CREB5: variants seen among roughly 807,000 people sequenced by gnomAD.
The protein encoded by CREB5 is cAMP responsive element binding protein 5.
Under a neutral mutation model 57.1 loss-of-function variants are expected in CREB5, and 19 were observed. The observed-to-expected ratio is 0.33, with a 90% CI of 0.23 to 0.49. The LOEUF is 0.49. Among genes scored for constraint, CREB5 ranks in the 20% least tolerant of loss-of-function variants. The probability of loss-of-function intolerance (pLI) is 0.99; values close to 1 mark genes in which losing one functional copy is unlikely to be tolerated. For missense variants in CREB5, 579 were observed against 671.6 expected (o/e 0.86, Z 1.52); for synonymous variants, 238 against 238.3 (o/e 1.00, Z 0.01).
intron 1 of CREB5, among the ~76,000 whole-genome samples, chr7:28,357,027 G>T (rs1294281316): frequency 6.6e-6 from 1 of 152,144 alleles, no homozygotes; most frequent in South Asian, 2.1e-4. Context: ...AGACAAAAAT[G>T]CCAAGGGCCC....
intron 1 of CREB5, among the ~76,000 whole-genome samples, chr7:28,374,424 C>T (rs1786781144): frequency 6.6e-6 from 1 of 152,146 alleles, no homozygotes; most frequent in African/African-American, 2.4e-5. Context: ...TAGCCCCAAA[C>T]TGAAAACAAA....
intron 7 of CREB5, among the ~76,000 whole-genome samples, chr7:28,739,648 A>G (rs1206215023): frequency 6.6e-6 from 1 of 152,204 alleles, no homozygotes; most frequent in African/African-American, 2.4e-5. Context: ...ATTCGAGTTT[A>G]GAGGACAGAC....
chr7:28,489,399 AT>A (rs2128594859), intron 2 of CREB5, among the ~76,000 whole-genome samples: 1 of 141,292 alleles, frequency 7.1e-6, no homozygotes, highest in East Asian at 2.1e-4. Flanking sequence ...TCCCGGGTTC[AT>A]GCCATTCTCC....
chr7:28,557,196 TGTG>T (rs1794913797), intron 4 of CREB5, among the ~76,000 whole-genome samples: 2 of 128,476 alleles, frequency 1.6e-5, no homozygotes, highest in African/African-American at 2.8e-5. Context: ...TAATTGAAAT[TGTG>T]CTTTTATATG....
chr7:28,572,410 G>C lies in CREB5; in HGVS notation c.464+1873G>C, dbSNP rs770365125. On this transcript the variant is annotated intron_variant, in intron 5 of 10. Transcript: ENST00000357727. Reference sequence around the variant, plus strand: ...GAACCCATAGAGTGCTAAGAGGGTGGAGTAGATTCATTAAAGACAGCATCT... The same window carrying C: ...GAACCCATAGAGTGCTAAGAGGGTGCAGTAGATTCATTAAAGACAGCATCT... 5.6e-4 allele frequency among the ~76,000 whole-genome samples: 86 copies of C among 152,218 alleles called. 1 individual carries two copies. The highest frequency in any genetic ancestry group is 2.2e-3 in the Admixed American group (34 of 15,282).
At chr7:28,601,324 G>A (rs1308438248) in intron 5 of CREB5, among the ~76,000 whole-genome samples, 1 of 152,072 alleles carries the variant, frequency 6.6e-6, no homozygotes, top group Non-Finnish European at 1.5e-5. Flanking sequence ...GACAAAGAAG[G>A]GAGGAATAAG....
intron 5 of CREB5, among the ~76,000 whole-genome samples, chr7:28,614,713 TC>T (rs2128680194): frequency 6.6e-6 from 1 of 152,304 alleles, no homozygotes; most frequent in South Asian, 2.1e-4. Flanking sequence ...TTAATTTTTT[TC>T]TTATGGAAAA....
intron 9 of CREB5, 42 bp downstream of exon 9, chr7:28,809,456 T>A: frequency 1.3e-6 from 2 of 1,531,776 alleles, no homozygotes; most frequent in African/African-American, 1.4e-5. Context: ...AAAGGCCCTC[T>A]GCTCCACGGG....
In CREB5 at chr7:28,784,106, A is replaced by T. The variant is rs564544369; in HGVS notation, c.703-20093A>T. ...CAGATGACTTTGTCCTGTTTGGAGC[A>T]TCTTTCTACTCTAGTATTTCATTGC... On this transcript the variant is annotated intron_variant, in intron 7 of 10. Transcript: ENST00000357727. Among the ~76,000 whole-genome samples, 4 of 152,334 alleles carry T rather than the reference A, an allele frequency of 2.6e-5. No homozygotes were observed. The South Asian group carries it at 8.3e-4, about 32-fold the overall frequency.
chr7:28,524,237 G>A (rs373035468), intron 4 of CREB5, among the ~76,000 whole-genome samples: 82 of 152,094 alleles, frequency 5.4e-4, no homozygotes, highest in Non-Finnish European at 1.1e-3. Context: ...AGCATTTCGG[G>A]AGTCAAAGAT....
At chr7:28,813,403 G>A (rs2128807150) in intron 9 of CREB5, among the ~76,000 whole-genome samples, 1 of 152,222 alleles carries the variant, frequency 6.6e-6, no homozygotes, top group Middle Eastern at 3.4e-3. Flanking sequence ...CTTTTTTAGT[G>A]CAAAGACACA....
At position 28,677,461 on chromosome 7, in the gene CREB5, A is replaced by T. The variant is rs1331483014; in HGVS notation, c.465-41292A>T. Reference sequence around the variant, plus strand: ...ACTGATGTTTGCTGGTTGGAGTGCCAGGCCAAGGGTCAGCCTTCAAGGGAT... The same window carrying T: ...ACTGATGTTTGCTGGTTGGAGTGCCTGGCCAAGGGTCAGCCTTCAAGGGAT... On this transcript the variant is annotated intron_variant, in intron 5 of 10. Transcript: ENST00000357727. Among the ~76,000 whole-genome samples, 9 of 152,178 alleles carry T rather than the reference A, an allele frequency of 5.9e-5. No individual in the cohort carries two copies. The South Asian group carries it at 1.9e-3, about 32-fold the overall frequency.
At chr7:28,419,021 CT>C (rs1299485710) in intron 1 of CREB5, among the ~76,000 whole-genome samples, 2 of 152,180 alleles carry the variant, frequency 1.3e-5, no homozygotes, top group African/African-American at 4.8e-5. Context: ...CTACATGTAG[CT>C]GGATTGATTA....
At chr7:28,612,005 G>A (rs1429495456) in intron 5 of CREB5, among the ~76,000 whole-genome samples, 2 of 152,162 alleles carry the variant, frequency 1.3e-5, no homozygotes, top group Non-Finnish European at 2.9e-5. Context: ...AAGCCATCTG[G>A]ATGATGCGAA....
intron 4 of CREB5, among the ~76,000 whole-genome samples, chr7:28,524,796 A>C (rs1235273208): frequency 1.3e-5 from 2 of 152,198 alleles, no homozygotes; most frequent in Non-Finnish European, 2.9e-5. Flanking sequence ...AGGGTTATTT[A>C]GGCTATTACC....
chr7:28,675,145 T>G (rs1800255882), intron 5 of CREB5, among the ~76,000 whole-genome samples: 1 of 152,296 alleles, frequency 6.6e-6, no homozygotes, highest in South Asian at 2.1e-4. Context: ...GATCTAAGAG[T>G]CTTCACCACA....
rs184631603 is a variant in CREB5 at position 28,491,684 on chromosome 7, A to G, written c.76-3222A>G. Among the ~76,000 whole-genome samples, 20 of 152,304 alleles carry G rather than the reference A, an allele frequency of 1.3e-4. No individual in the cohort carries two copies. In the East Asian group the frequency reaches 2.5e-3, roughly 19 times the overall value. On this transcript the variant is annotated intron_variant, in intron 2 of 10. Coordinates refer to ENST00000357727, the MANE Select transcript of CREB5 (RefSeq NM_182898.4). ...GTTATAAAAATATGTGCATTTTTCA[A>G]TGGAAGAGGTGTTAGAATTAAGAAA...
chr7:28,383,504 C>G (rs1314145816), intron 1 of CREB5, among the ~76,000 whole-genome samples: 1 of 152,146 alleles, frequency 6.6e-6, no homozygotes, highest in Non-Finnish European at 1.5e-5. Flanking sequence ...CTGCTGAGAC[C>G]TCAGGAAGAT....
chr7:28,386,089 G>A (rs1475636901), intron 1 of CREB5, among the ~76,000 whole-genome samples: 3 of 152,082 alleles, frequency 2.0e-5, no homozygotes, highest in Admixed American at 6.6e-5. Context: ...CATTAATATT[G>A]TTGTTTTATA....
Sources: allele counts gnomAD v4.1 joint callset (sites outside exome capture counted in the v4.1 genomes callset), GRCh38; gene constraint gnomAD v4.1.1; transcripts MANE v1.5; gene names NCBI Gene and HGNC (gene_info 2026-07-23, HGNC 2026-07-21).